SATL1: variants seen among roughly 807,000 people sequenced by gnomAD.
The protein encoded by SATL1 is spermidine/spermine N1-acetyl transferase like 1.
SATL1 carries 47 observed loss-of-function variants against 51.8 expected under a neutral mutation model. That is an observed-to-expected ratio of 0.91 (90% CI 0.72 to 1.16). SATL1 has a LOEUF of 1.16. SATL1 is among the 50% of genes most tolerant of loss of function. SATL1 has a pLI of 0.00. For missense variants in SATL1, 520 were observed against 526.4 expected (o/e 0.99, Z 0.12); for synonymous variants, 176 against 182.4 (o/e 0.97, Z 0.28).
chrX:85,200,982 G>A (rs1927675352), intron 2 of SATL1, among the ~76,000 whole-genome samples: 2 of 111,057 alleles, frequency 1.8e-5, no homozygotes, highest in Admixed American at 9.7e-5. Flanking sequence ...GATTCTCTCA[G>A]GATTTAAATT....
At chrX:85,167,015 G>GTA (rs1365306620) in intron 2 of SATL1, among the ~76,000 whole-genome samples, 3 of 100,750 alleles carry the variant, frequency 3.0e-5, no homozygotes, top group Admixed American at 2.2e-4. Context: ...TATATGTGTG[G>GTA]TATATATGTG....
intron 4 of SATL1, among the ~76,000 whole-genome samples, chrX:85,096,341 G>C (rs1205564780): frequency 1.8e-5 from 2 of 110,771 alleles, no homozygotes; most frequent in Non-Finnish European, 3.8e-5. Context: ...TTGAAACTAG[G>C]CCAGGTGAAA....
In SATL1 at chrX:85,168,458, T is replaced by A. The variant is rs1056493054; in HGVS notation, c.-313+55747A>T. ...AGGATACAAAATCAATGTACAAAAG[T>A]CGTTAGCATTCCTATACACCAAAAA... is the stretch of plus-strand genomic sequence containing the variant. On this transcript the variant is annotated intron_variant, in intron 2 of 7. Coordinates refer to ENST00000644105, the MANE Select transcript of SATL1 (RefSeq NM_001367857.2). Among the ~76,000 whole-genome samples the A allele has an allele frequency of 1.1e-4, 12 of 111,409 alleles. No individual in the cohort carries two copies. In the Admixed American group the frequency reaches 1.1e-3, roughly 11 times the overall value.
intron 2 of SATL1, chrX:85,211,932 CTATTATA>C (rs1927934378): frequency 9.0e-6 from 1 of 111,413 alleles, no homozygotes; most frequent in Admixed American, 9.6e-5. Flanking sequence ...TTAATGTGAG[CTATTATA>C]TATTATATTT....
At chrX:85,207,986 T>C (rs751963017) in intron 2 of SATL1, 1 of 111,347 alleles carries the variant, frequency 9.0e-6, no homozygotes, top group Admixed American at 9.6e-5. Flanking sequence ...ATGTGCCATG[T>C]TGGTTTGCAG....
At chrX:85,158,244 A>G (rs1321754892) in intron 2 of SATL1, among the ~76,000 whole-genome samples, 1 of 111,099 alleles carries the variant, frequency 9.0e-6, no homozygotes, top group African/African-American at 3.3e-5. Flanking sequence ...TTTCTAACTG[A>G]TTTAGCAATT....
At position 85,107,768 on chromosome X, in the gene SATL1, T is replaced by C. The variant is rs750026858; in HGVS notation, c.1201A>G (p.Thr401Ala). ...GSQPSMRQVG[T>A]SQSGTSQIGM... ...ATTTGGCTTGTGCCTGATTGGCTGG[T>C]GCCTACTTGTCTCATGCTTGGTTGG... Residue 401 changes from threonine to alanine, a missense_variant, in exon 3 of 8, where the codon ACC becomes GCC. Thr to Ala is a moderately conservative substitution (Grantham distance 58, BLOSUM62 0). Transcript: ENST00000644105. 1.7e-6 allele frequency: 2 copies of C among 1,211,596 alleles called. No individual in the cohort carries two copies. Among genetic ancestry groups the C allele is most frequent in the African/African-American group, 3.5e-5 (2 of 57,842 alleles).
intron 2 of SATL1, among the ~76,000 whole-genome samples, chrX:85,179,715 T>C (rs1188597815): frequency 9.0e-6 from 1 of 110,592 alleles, no homozygotes; most frequent in Non-Finnish European, 1.9e-5. Context: ...AAAATAGGAC[T>C]TCTGTTTTAA....
chrX:85,108,117 A>T lies in SATL1; in HGVS notation c.852T>A (p.Tyr284Ter). The change falls in exon 3 of 8, where the codon TAT becomes TAA. Residue 284 changes from tyrosine (Y) to a stop codon, truncating the protein, a stop_gained. Coordinates refer to ENST00000644105, the MANE Select transcript of SATL1 (RefSeq NM_001367857.2). LOFTEE classifies it high-confidence loss of function. The stretch of plus-strand genomic sequence containing the variant: ...GTTTCATGTCCACTTGGTTCATTTC[A>T]TATAGGCTTGCACTCCATTGGTTCA... ...MDMNQWSASL[Y>*]EMNQVDMKQP... is the part of the protein sequence containing the mutation. The T allele has an allele frequency of 8.3e-7, 1 of 1,211,245 alleles. No homozygotes were observed. The highest frequency in any genetic ancestry group is 1.1e-6 in the Non-Finnish European group (1 of 895,433).
chrX:85,193,922 G>C (rs1927496672), intron 2 of SATL1, among the ~76,000 whole-genome samples: 1 of 111,764 alleles, frequency 8.9e-6, no homozygotes, highest in Non-Finnish European at 1.9e-5. Context: ...TTTGTCGTTG[G>C]TGGGCATTTA....
At position 85,117,374 on chromosome X, in the gene SATL1, G is replaced by C. The variant is rs1925403190; in HGVS notation, c.-312-8094C>G. The C allele has an allele frequency of 2.7e-5, 3 of 111,709 alleles. No individual in the cohort carries two copies. In the Admixed American group the frequency reaches 2.9e-4, roughly 11 times the overall value. 9.2% of individuals were successfully genotyped at this position (111,709 alleles called of 1,213,427 possible). A position where few individuals can be genotyped will look rare whatever the true frequency, so the allele number is the denominator to read the frequency against. Reference sequence around the variant, plus strand: ...GGTTGTTGCAGACCCACATGTATTTGCCACTGGTAACAACTCCGGCTTGGT... The same window carrying C: ...GGTTGTTGCAGACCCACATGTATTTCCCACTGGTAACAACTCCGGCTTGGT... On this transcript the variant is annotated intron_variant, in intron 2 of 7. Transcript: ENST00000644105.
At chrX:85,128,864 T>G (rs1602852558) in intron 2 of SATL1, among the ~76,000 whole-genome samples, 1 of 112,310 alleles carries the variant, frequency 8.9e-6, no homozygotes, top group East Asian at 2.8e-4. Flanking sequence ...TTTCTACATA[T>G]GACTAGCCAG....
chrX:85,203,747 G>A (rs974600749), intron 2 of SATL1, among the ~76,000 whole-genome samples: 6 of 112,587 alleles, frequency 5.3e-5, no homozygotes, highest in Non-Finnish European at 1.1e-4. Flanking sequence ...TAAGGTACCT[G>A]AACAGCAAAG....
chrX:85,203,666 T>C (rs900626374), intron 2 of SATL1, among the ~76,000 whole-genome samples: 1 of 112,293 alleles, frequency 8.9e-6, no homozygotes, highest in East Asian at 2.8e-4. Flanking sequence ...GTAGAGCAGC[T>C]GTGCTGTGCT....
At chrX:85,206,795 G>C (rs1927799917) in intron 2 of SATL1, among the ~76,000 whole-genome samples, 3 of 111,735 alleles carry the variant, frequency 2.7e-5, no homozygotes, top group Middle Eastern at 9.3e-3. Flanking sequence ...AAAGAATAAA[G>C]TGTAAATGTA....
intron 2 of SATL1, among the ~76,000 whole-genome samples, chrX:85,137,489 C>A (rs143293055): frequency 1.8e-5 from 2 of 111,045 alleles, no homozygotes; most frequent in African/African-American, 6.6e-5. Context: ...TGCCACCACC[C>A]TAGTTTGAAC....
intron 1 of SATL1, among the ~76,000 whole-genome samples, chrX:85,232,123 A>G (rs1413905074): frequency 9.2e-6 from 1 of 109,045 alleles, no homozygotes; most frequent in East Asian, 2.9e-4. Flanking sequence ...CACTGAGCCA[A>G]GTTGTGAGGC....
chrX:85,234,788 G>A (rs377596912), intron 1 of SATL1, among the ~76,000 whole-genome samples: 44 of 110,859 alleles, frequency 4.0e-4, no homozygotes, highest in African/African-American at 1.2e-3. Flanking sequence ...CAGGAAGGGA[G>A]GAAAGAAGGA....
rs188980424 is a variant in SATL1, at chrX:85,164,827, C to T, written c.-312-55547G>A. The stretch of plus-strand genomic sequence containing the variant: ...GCAACCTCTGCCTCCCAGGTTCAAG[C>T]GATTCTCCTGCCTCAGCCTCCCGAG... On this transcript the variant is annotated intron_variant, in intron 2 of 7. Coordinates refer to ENST00000644105, the MANE Select transcript of SATL1 (RefSeq NM_001367857.2). Among the ~76,000 whole-genome samples the T allele has an allele frequency of 7.5e-4, 81 of 108,326 alleles. No homozygotes were observed. The East Asian group carries it at 0.017, about 23-fold the overall frequency. The allele number at this position is 108,326 out of a possible 115,157, so 94.1% of individuals were successfully genotyped here. A position where few individuals can be genotyped will look rare whatever the true frequency, so the allele number is the denominator to read the frequency against.
Sources: gnomAD v4.1 joint callset for allele counts (sites outside exome capture counted in the v4.1 genomes callset) on GRCh38, gnomAD v4.1.1 for gene constraint, MANE v1.5 for transcripts, NCBI Gene and HGNC (gene_info 2026-07-23, HGNC 2026-07-21) for gene names.